The following SLC15A4 variants were observed in gnomAD, a reference collection of about 807,000 sequenced individuals.
The protein encoded by SLC15A4 is solute carrier family 15 member 4.
In SLC15A4, 26 loss-of-function variants were observed where a neutral mutation model predicts 46.1. The ratio of observed to expected loss-of-function variants is 0.56; its 90% CI spans 0.41 to 0.78. The LOEUF (loss-of-function observed/expected upper bound fraction) is 0.78. Ranked by LOEUF, SLC15A4 falls within the 30% of genes least tolerant of loss-of-function variation. The pLI, the probability that SLC15A4 is intolerant of heterozygous loss-of-function variation, is 0.00. For synonymous variants in SLC15A4, 370 were observed against 333.4 expected, an observed-to-expected ratio of 1.11 and a Z score of -1.20; for missense variants, 751 against 755.7, an observed-to-expected ratio of 0.99 and a Z score of 0.07.
chr12:128,794,735 GT>G (rs1411161039), intron 7 of SLC15A4, among the ~76,000 whole-genome samples: 3 of 152,184 alleles, frequency 2.0e-5, no homozygotes, highest in Non-Finnish European at 4.4e-5. Context: ...GAAGGGGACA[GT>G]GTCGACGGAG....
Position 128,794,330 on chromosome 12 carries a change from A to G in SLC15A4, c.1600T>C (p.Tyr534His). 3 of 1,613,176 alleles carry G rather than the reference A, an allele frequency of 1.9e-6. No homozygotes were observed. The highest frequency in any genetic ancestry group is 2.2e-5 in the East Asian group (1 of 44,870). The change falls in exon 8 of 8, where the codon TAT becomes CAT. Residue 534 changes from tyrosine (Y) to histidine (H), a missense_variant. By Grantham distance (83) the Tyr-to-His change is moderately conservative. Coordinates refer to ENST00000266771, the MANE Select transcript of SLC15A4 (RefSeq NM_145648.4). Reference protein sequence around the residue: ...FGNINGCYLNYYFFLLAAIQG... With the variant: ...FGNINGCYLNHYFFLLAAIQG... ...ATAGCAGCCAGAAGAAAAAAGTAAT[A>G]GTTCAAATAGCAGCCGTTAATATTA...
chr12:128,803,597 G>C (rs1205709579), intron 5 of SLC15A4, among the ~76,000 whole-genome samples: 1 of 152,100 alleles, frequency 6.6e-6, no homozygotes, highest in Non-Finnish European at 1.5e-5. Context: ...ATGACACATA[G>C]TATCCAGACA....
chr12:128,811,533 C>T (rs776611257), intron 2 of SLC15A4, among the ~76,000 whole-genome samples: 3 of 152,190 alleles, frequency 2.0e-5, no homozygotes, highest in Non-Finnish European at 4.4e-5. Context: ...CCTGTCCTTA[C>T]GGACTTAGTC....
At chr12:128,803,092 T>C (rs189848361) in intron 5 of SLC15A4, among the ~76,000 whole-genome samples, 1 of 148,784 alleles carries the variant, frequency 6.7e-6, no homozygotes, top group African/African-American at 2.5e-5. Context: ...AAGCATGGGA[T>C]GCGACGCTGG....
At chr12:128,813,104 A>G (rs993262483) in intron 2 of SLC15A4, 1 of 152,126 alleles carries the variant, frequency 6.6e-6, no homozygotes, top group Non-Finnish European at 1.5e-5. Context: ...CCTGAAAAAG[A>G]CCTCTAGGAT....
rs1246381749 is a variant in SLC15A4 at position 128,793,582 on chromosome 12, T to A, written c.*614A>T. ...AGAAAGAAAAGTAATGTTGATGGTT[T>A]AAAAAGTAAGTACTTTTTGAAGCAG... On this transcript the variant is annotated 3_prime_UTR_variant, in exon 8 of 8. Coordinates refer to ENST00000266771, the MANE Select transcript of SLC15A4 (RefSeq NM_145648.4). 3 of 152,208 alleles carry A rather than the reference T, an allele frequency of 2.0e-5. No individual in the cohort carries two copies. Among genetic ancestry groups the A allele is most frequent in the Admixed American group, 2.0e-4 (3 of 15,280 alleles). The allele number at this position is 152,208 out of a possible 1,614,324, so 9.4% of individuals were successfully genotyped here.
intron 5 of SLC15A4, among the ~76,000 whole-genome samples, chr12:128,802,733 G>C (rs1439994874): frequency 2.0e-5 from 3 of 152,282 alleles, no homozygotes; most frequent in East Asian, 3.9e-4. Context: ...TGAAGACTAA[G>C]GATGAAAAAG....
chr12:128,800,361 C>G (rs1378355102), intron 6 of SLC15A4, among the ~76,000 whole-genome samples: 1 of 152,204 alleles, frequency 6.6e-6, no homozygotes. Context: ...CTCATCTTCT[C>G]TTCTCTCTCA....
intron 2 of SLC15A4, 194 bp from the exon 3 acceptor site, chr12:128,810,305 C>T: frequency 1.8e-6 from 1 of 557,860 alleles, no homozygotes; most frequent in South Asian, 2.2e-5. Flanking sequence ...TGTACTGAAA[C>T]AGCTGACAAA....
At chr12:128,811,288 T>C (rs1955653194) in intron 2 of SLC15A4, among the ~76,000 whole-genome samples, 1 of 152,206 alleles carries the variant, frequency 6.6e-6, no homozygotes, top group Non-Finnish European at 1.5e-5. Flanking sequence ...AGCCTTCTAG[T>C]TTATTAACTC....
rs751204277 is a variant in SLC15A4, at chr12:128,815,014, G to A, written c.603C>T (p.Ser201=). ...ACGACAGGATCGCTCCCAGGTTAATGCTCCAATAAAACCAATTAAAAAATC... is the reference window on the plus strand; with the variant it reads ...ACGACAGGATCGCTCCCAGGTTAATACTCCAATAAAACCAATTAAAAAATC... The part of the protein sequence containing the change: ...TRRFFNWFYW[S]INLGAILSLG... The change falls in exon 2 of 8, where the codon AGC becomes AGT. Residue 201 remains serine, a synonymous_variant. Transcript: ENST00000266771. 6.2e-7 allele frequency: 1 copy of A among 1,614,012 alleles called. No homozygotes were observed. The highest frequency in any genetic ancestry group is 8.5e-7 in the Non-Finnish European group (1 of 1,179,926).
chr12:128,810,628 A>T (rs1397969757), intron 2 of SLC15A4, among the ~76,000 whole-genome samples: 1 of 152,100 alleles, frequency 6.6e-6, no homozygotes, highest in Non-Finnish European at 1.5e-5. Context: ...CACTGGCAGG[A>T]CTGAGGCAGG....
chr12:128,806,177 A>AAAAAG (rs1555252736), intron 5 of SLC15A4, among the ~76,000 whole-genome samples: 3 of 151,516 alleles, frequency 2.0e-5, no homozygotes, highest in African/African-American at 2.4e-5. Context: ...AAAAAAAAAA[A>AAAAAG]AAAAAGAAAA....
At position 128,823,669 on chromosome 12, in the gene SLC15A4, C is replaced by A. The variant is rs1172645521; in HGVS notation, c.275G>T (p.Gly92Val). The A allele has an allele frequency of 6.7e-7, 1 of 1,498,328 alleles. No homozygotes were observed. The highest frequency in any genetic ancestry group is 8.9e-7 in the Non-Finnish European group (1 of 1,129,736). The allele number at this position is 1,498,328 out of a possible 1,614,324, so 92.8% of individuals were successfully genotyped here. Reference sequence around the variant, plus strand: ...CAGCCGCGCGTCGGCCAGCCAGCCTCCGAACGGCGAGCCCAGGTAGGTGAG... The same window carrying A: ...CAGCCGCGCGTCGGCCAGCCAGCCTACGAACGGCGAGCCCAGGTAGGTGAG... ...MGLTYLGSPF[G>V]GWLADARLGR... The change falls in exon 1 of 8, where the codon GGA becomes GTA. Residue 92 changes from glycine (G) to valine (V), a missense_variant. Gly to Val is a moderately radical substitution (Grantham distance 109, BLOSUM62 -3). Transcript: ENST00000266771.
intron 1 of SLC15A4, among the ~76,000 whole-genome samples, chr12:128,821,932 T>TA (rs1443095983): frequency 6.6e-6 from 1 of 151,852 alleles, no homozygotes; most frequent in African/African-American, 2.4e-5. Flanking sequence ...GAACCATTCT[T>TA]AGCTTGTGAA....
At chr12:128,804,072 G>A (rs1955550449) in intron 5 of SLC15A4, among the ~76,000 whole-genome samples, 1 of 152,106 alleles carries the variant, frequency 6.6e-6, no homozygotes, top group African/African-American at 2.4e-5. Context: ...AATACCGTTG[G>A]TAGTATTACA....
At chr12:128,815,316 T>TTTTCCAAGTATGTGGAAAAACTTGAGTA in intron 1 of SLC15A4, 1 of 457,320 alleles carries the variant, frequency 2.2e-6, no homozygotes, top group Non-Finnish European at 4.0e-6. Flanking sequence ...GCTAGAGAGT[T>TTTTCCAAGTATGTGGAAAAACTTGAGTA]TTTCCAAGTA....
intron 5 of SLC15A4, among the ~76,000 whole-genome samples, chr12:128,806,593 A>T (rs1955592385): frequency 6.6e-6 from 1 of 152,208 alleles, no homozygotes; most frequent in Non-Finnish European, 1.5e-5. Flanking sequence ...TGTTTTATTA[A>T]ATTTAATAGA....
intron 1 of SLC15A4, among the ~76,000 whole-genome samples, chr12:128,818,801 A>G (rs1470115951): frequency 1.3e-5 from 2 of 152,030 alleles, no homozygotes; most frequent in Non-Finnish European, 2.9e-5. Context: ...GCAACCCTTA[A>G]TCTACTTCCA....
Sources: allele counts gnomAD v4.1 joint callset (sites outside exome capture counted in the v4.1 genomes callset), GRCh38; gene constraint gnomAD v4.1.1; transcripts MANE v1.5; gene names NCBI Gene and HGNC (gene_info 2026-07-23, HGNC 2026-07-21).